Variants in GRIK2 observed in about 807,000 individuals in gnomAD.
The protein encoded by GRIK2 is glutamate receptor ionotropic, kainate 2.
Under a neutral mutation model 100.3 loss-of-function variants are expected in GRIK2, and 32 were observed. That is an observed-to-expected ratio of 0.32 (90% CI 0.24 to 0.43). The LOEUF is 0.43. GRIK2 is among the 20% of genes least tolerant of loss of function. GRIK2 has a pLI of 1.00. For missense variants in GRIK2, 843 were observed against 1,114.9 expected (o/e 0.76, Z 3.47); for synonymous variants, 417 against 389.4 (o/e 1.07, Z -0.83).
At chr6:101,712,303 G>A (rs931430150) in intron 7 of GRIK2, among the ~76,000 whole-genome samples, 1 of 151,760 alleles carries the variant, frequency 6.6e-6, no homozygotes, top group African/African-American at 2.4e-5. Context: ...TCAGGCTCTA[G>A]CCCATACTTA....
chr6:101,529,482 T>C (rs1330900111), intron 2 of GRIK2, among the ~76,000 whole-genome samples: 2 of 152,116 alleles, frequency 1.3e-5, no homozygotes, highest in African/African-American at 4.8e-5. Flanking sequence ...TAGGATAAGT[T>C]ACATAATTTA....
At chr6:101,817,710 T>G (rs2128421602) in intron 9 of GRIK2, among the ~76,000 whole-genome samples, 1 of 152,358 alleles carries the variant, frequency 6.6e-6, no homozygotes, top group East Asian at 1.9e-4. Context: ...TGACCTAATC[T>G]ATCAGAAGAT....
chr6:101,648,174 C>CT (rs1781617635), intron 4 of GRIK2, among the ~76,000 whole-genome samples: 1 of 151,952 alleles, frequency 6.6e-6, no homozygotes, highest in South Asian at 2.1e-4. Flanking sequence ...TATGCTGTAA[C>CT]TTTAGATATG....
chr6:101,871,214 C>A (rs1290329492), intron 11 of GRIK2, among the ~76,000 whole-genome samples: 2 of 151,692 alleles, frequency 1.3e-5, no homozygotes, highest in Admixed American at 6.6e-5. Context: ...TTAATAAAAT[C>A]TTTTTGGATG....
At chr6:101,468,817 G>A (rs554784838) in intron 2 of GRIK2, among the ~76,000 whole-genome samples, 1 of 152,200 alleles carries the variant, frequency 6.6e-6, no homozygotes, top group African/African-American at 2.4e-5. Flanking sequence ...TTCAATATAT[G>A]TTATAAGGTT....
intron 2 of GRIK2, among the ~76,000 whole-genome samples, chr6:101,587,033 C>T (rs1778407650): frequency 6.6e-6 from 1 of 151,662 alleles, no homozygotes; most frequent in Non-Finnish European, 1.5e-5. Context: ...TCTTTTTGTC[C>T]ATTTTATTCA....
At chr6:101,929,627 ATAAACT>A (rs1790133025) in intron 14 of GRIK2, among the ~76,000 whole-genome samples, 1 of 152,298 alleles carries the variant, frequency 6.6e-6, no homozygotes, top group African/African-American at 2.4e-5. Flanking sequence ...AGACAGAATA[ATAAACT>A]TAAAACATCA....
At chr6:101,631,679 C>A (rs566449068) in intron 4 of GRIK2, among the ~76,000 whole-genome samples, 1 of 152,162 alleles carries the variant, frequency 6.6e-6, no homozygotes, top group South Asian at 2.1e-4. Context: ...TTTGGCTCGA[C>A]AACAATCGGT....
chr6:102,045,597 A>AG (rs1402275499), intron 15 of GRIK2, among the ~76,000 whole-genome samples: 13 of 152,208 alleles, frequency 8.5e-5, no homozygotes, highest in Non-Finnish European at 1.5e-4. Context: ...TATCAAGAGA[A>AG]GAAAAAAAAT....
intron 2 of GRIK2, among the ~76,000 whole-genome samples, chr6:101,616,597 TATAA>T (rs1246503235): frequency 1.3e-5 from 2 of 151,946 alleles, no homozygotes; most frequent in East Asian, 3.9e-4. Context: ...ATTGTGTTCT[TATAA>T]ATAAAGAAGT....
At chr6:101,880,899 T>C (rs1786197242) in intron 11 of GRIK2, among the ~76,000 whole-genome samples, 1 of 151,946 alleles carries the variant, frequency 6.6e-6, no homozygotes, top group Non-Finnish European at 1.5e-5. Flanking sequence ...AAAAGAGAGC[T>C]TAGTTTTCCT....
intron 2 of GRIK2, among the ~76,000 whole-genome samples, chr6:101,443,669 T>A (rs1237593802): frequency 6.6e-6 from 1 of 152,052 alleles, no homozygotes; most frequent in African/African-American, 2.4e-5. Context: ...AAACTTTTAG[T>A]AGGATACATC....
intron 13 of GRIK2, 62 bp downstream of exon 13, chr6:101,924,781 A>G: frequency 9.7e-7 from 1 of 1,033,252 alleles, no homozygotes; most frequent in African/African-American, 1.6e-5. Context: ...TGGGGGTGAC[A>G]GCTCTTGCTG....
At chr6:101,656,238 G>A (rs1382695690) in intron 4 of GRIK2, among the ~76,000 whole-genome samples, 3 of 151,522 alleles carry the variant, frequency 2.0e-5, no homozygotes, top group African/African-American at 7.3e-5. Context: ...GGGAGGCAGA[G>A]GTTGCAGTGA....
At chr6:101,403,913 A>T (rs1775467360) in intron 2 of GRIK2, among the ~76,000 whole-genome samples, 1 of 152,230 alleles carries the variant, frequency 6.6e-6, no homozygotes, top group African/African-American at 2.4e-5. Context: ...CTTTAAAAAA[A>T]TCAGTTTTTC....
intron 14 of GRIK2, among the ~76,000 whole-genome samples, chr6:102,031,433 T>A (rs1769992712): frequency 2.7e-5 from 3 of 109,970 alleles, no homozygotes; most frequent in South Asian, 5.1e-4. Flanking sequence ...TCAATACACA[T>A]ATTTTACTTA....
chr6:102,045,662 A>G (rs1343502846), intron 15 of GRIK2, among the ~76,000 whole-genome samples: 1 of 152,076 alleles, frequency 6.6e-6, no homozygotes, highest in African/African-American at 2.4e-5. Context: ...AACTTTTAAA[A>G]CACAATCATA....
chr6:101,667,202 G>A (rs1000140079), intron 4 of GRIK2, among the ~76,000 whole-genome samples: 3 of 152,056 alleles, frequency 2.0e-5, no homozygotes, highest in African/African-American at 7.2e-5. Flanking sequence ...CCTACAAAAG[G>A]GTGTCTAGTT....
At chr6:101,857,426 AG>A (rs1403633396) in intron 10 of GRIK2, among the ~76,000 whole-genome samples, 1 of 152,206 alleles carries the variant, frequency 6.6e-6, no homozygotes, top group Admixed American at 6.5e-5. Flanking sequence ...AGATAAGGTA[AG>A]TCCACAGAGA....
Sources: gnomAD v4.1 joint callset for allele counts (sites outside exome capture counted in the v4.1 genomes callset) on GRCh38, gnomAD v4.1.1 for gene constraint, MANE v1.5 for transcripts, NCBI Gene and HGNC (gene_info 2026-07-23, HGNC 2026-07-21) for gene names.